Variants in CDKAL1 observed in about 807,000 individuals in gnomAD.
The protein encoded by CDKAL1 is threonylcarbamoyladenosine tRNA methylthiotransferase.
Under a neutral mutation model 68.2 loss-of-function variants are expected in CDKAL1, and 32 were observed. That is an observed-to-expected ratio of 0.47 (90% confidence interval 0.35 to 0.63). The LOEUF (loss-of-function observed/expected upper bound fraction) is 0.63, where lower values mean the gene tolerates loss of function less well. Ranked by LOEUF, CDKAL1 falls within the 30% of genes least tolerant of loss-of-function variation. The pLI is 0.00. For synonymous variants in CDKAL1, 234 were observed against 244.3 expected, an observed-to-expected ratio of 0.96 and a Z score of 0.39; for missense variants, 606 against 696.7, an observed-to-expected ratio of 0.87 and a Z score of 1.47.
chr6:20,619,345 C>T (rs1264702611), intron 4 of CDKAL1, among the ~76,000 whole-genome samples: 1 of 152,112 alleles, frequency 6.6e-6, no homozygotes, highest in East Asian at 1.9e-4. Context: ...ATATCGTATT[C>T]TTGAAAAATG....
intron 8 of CDKAL1, among the ~76,000 whole-genome samples, chr6:20,795,907 A>T (rs1017382375): frequency 6.6e-6 from 1 of 152,180 alleles, no homozygotes; most frequent in African/African-American, 2.4e-5. Context: ...GAACTAGTAG[A>T]TGCAACATGT....
chr6:20,853,854 A>G (rs1201023199), intron 9 of CDKAL1, among the ~76,000 whole-genome samples: 12 of 152,198 alleles, frequency 7.9e-5, no homozygotes, highest in Admixed American at 7.9e-4. Flanking sequence ...GAGTCTGAGG[A>G]AAAACCCTGG....
At chr6:20,808,392 G>A (rs1288387691) in intron 8 of CDKAL1, among the ~76,000 whole-genome samples, 2 of 152,120 alleles carry the variant, frequency 1.3e-5, no homozygotes, top group Non-Finnish European at 2.9e-5. Flanking sequence ...GGCCTAGGAA[G>A]TCTGGTGATG....
At chr6:20,869,989 G>C (rs190374994) in intron 9 of CDKAL1, among the ~76,000 whole-genome samples, 1 of 152,106 alleles carries the variant, frequency 6.6e-6, no homozygotes, top group Non-Finnish European at 1.5e-5. Context: ...ACATTTATAT[G>C]GTCTGAGTGC....
chr6:20,799,382 G>T (rs776490451), intron 8 of CDKAL1, among the ~76,000 whole-genome samples: 6 of 151,984 alleles, frequency 3.9e-5, no homozygotes, highest in Non-Finnish European at 7.4e-5. Flanking sequence ...GTTGCTAAGG[G>T]TAAATTAGGT....
chr6:21,114,978 T>C (rs7773318), intron 13 of CDKAL1, among the ~76,000 whole-genome samples: 69,485 of 151,980 alleles, frequency 0.46, 16,698 homozygotes, highest in East Asian at 0.68. Flanking sequence ...TATTATATAA[T>C]AAAAATGTAA....
chr6:20,574,283 C>T (rs1248529180), intron 4 of CDKAL1, among the ~76,000 whole-genome samples: 1 of 151,966 alleles, frequency 6.6e-6, no homozygotes, highest in East Asian at 1.9e-4. Flanking sequence ...TTTTAATTTG[C>T]TTCCTTTTAT....
In CDKAL1 at chr6:20,672,227, CTTTTCTTTCTCTTTCTT is replaced by C. The variant is rs1769856643; in HGVS notation, c.371+22852_371+22868del. ...CCTTCCTTTCTTTCTTCCTTTCTTT[CTTTTCTTTCTCTTTCTT>C]TCTTTCTTTCTTTCTTTCTTTTTCT... On this transcript the variant is annotated intron_variant, in intron 5 of 15. Coordinates refer to ENST00000274695, the MANE Select transcript of CDKAL1 (RefSeq NM_017774.3). Among the ~76,000 whole-genome samples, 11 of 131,272 alleles carry C rather than the reference CTTTTCTTTCTCTTTCTT, an allele frequency of 8.4e-5. No homozygotes were observed. In the South Asian group the frequency reaches 3.0e-3, roughly 36 times the overall value. The allele number at this position is 131,272 out of a possible 152,430, so 86.1% of individuals were successfully genotyped here.
intron 10 of CDKAL1, among the ~76,000 whole-genome samples, chr6:20,981,132 A>G (rs1021938054): frequency 6.6e-5 from 10 of 151,636 alleles, no homozygotes; most frequent in Non-Finnish European, 1.2e-4. Context: ...TGCTCTGACA[A>G]GGAAATATTG....
At chr6:20,617,372 A>G (rs533646881) in intron 4 of CDKAL1, among the ~76,000 whole-genome samples, 2 of 152,230 alleles carry the variant, frequency 1.3e-5, no homozygotes, top group African/African-American at 2.4e-5. Flanking sequence ...ATGTATGGAT[A>G]GGACCTAGGG....
At chr6:20,973,034 C>T (rs923880679) in intron 10 of CDKAL1, among the ~76,000 whole-genome samples, 5 of 149,932 alleles carry the variant, frequency 3.3e-5, no homozygotes, top group East Asian at 2.0e-4. Flanking sequence ...GCCGAGATCG[C>T]GTCATTACTC....
Position 20,735,229 on chromosome 6 carries a change from A to G in CDKAL1, c.372-4290A>G, listed in dbSNP as rs144442899. ...TTTTAGATTCAGTGGGTACATGTGC[A>G]GATTTGTTACATGGGTGTATTAGTT... On this transcript the variant is annotated intron_variant, in intron 5 of 15. Transcript: ENST00000274695. Among the ~76,000 whole-genome samples, 39 of 152,282 alleles carry G rather than the reference A, an allele frequency of 2.6e-4. No homozygotes were observed. In the East Asian group the frequency reaches 7.1e-3, roughly 28 times the overall value.
At chr6:20,563,343 T>C (rs1005064268) in intron 4 of CDKAL1, among the ~76,000 whole-genome samples, 1 of 152,114 alleles carries the variant, frequency 6.6e-6, no homozygotes, top group African/African-American at 2.4e-5. Flanking sequence ...AATACAAAAG[T>C]GGAAGACATT....
chr6:20,609,321 TCTCTC>T (rs1367321223), intron 4 of CDKAL1, among the ~76,000 whole-genome samples: 2 of 81,100 alleles, frequency 2.5e-5, no homozygotes, highest in African/African-American at 4.3e-5. Flanking sequence ...TCCCCCCTCC[TCTCTC>T]CCTCCTCCCT....
At chr6:20,948,385 T>A (rs889638405) in intron 9 of CDKAL1, among the ~76,000 whole-genome samples, 1 of 152,184 alleles carries the variant, frequency 6.6e-6, no homozygotes, top group Admixed American at 6.5e-5. Flanking sequence ...ATCTGAACTT[T>A]TATTTGTTCT....
intron 9 of CDKAL1, among the ~76,000 whole-genome samples, chr6:20,896,887 A>G (rs1761717048): frequency 6.6e-6 from 1 of 152,176 alleles, no homozygotes; most frequent in Non-Finnish European, 1.5e-5. Context: ...TGTACAATTC[A>G]ATCAGATGAA....
intron 8 of CDKAL1, among the ~76,000 whole-genome samples, chr6:20,784,492 C>G (rs1237066968): frequency 1.6e-4 from 19 of 119,600 alleles, no homozygotes; most frequent in African/African-American, 6.0e-4. Flanking sequence ...GGCACCATCT[C>G]GGCTCACTGC....
chr6:21,184,151 C>G (rs1168479188), intron 13 of CDKAL1, among the ~76,000 whole-genome samples: 4 of 151,398 alleles, frequency 2.6e-5, no homozygotes, highest in African/African-American at 9.7e-5. Context: ...GATAACAGGC[C>G]CTAAAAAAAT....
chr6:20,982,731 A>C (rs1455350467), intron 10 of CDKAL1, among the ~76,000 whole-genome samples: 1 of 152,084 alleles, frequency 6.6e-6, no homozygotes, highest in Non-Finnish European at 1.5e-5. Context: ...AGGGTAAGTT[A>C]GATTTTTTTT....
Sources: gnomAD v4.1 joint callset for allele counts (sites outside exome capture counted in the v4.1 genomes callset) on GRCh38, gnomAD v4.1.1 for gene constraint, MANE v1.5 for transcripts, NCBI Gene and HGNC (gene_info 2026-07-23, HGNC 2026-07-21) for gene names.